EYA4: variants seen among roughly 807,000 people sequenced by gnomAD.
The protein encoded by EYA4 is EYA transcriptional coactivator and phosphatase 4.
A neutral mutation model predicts 87.9 loss-of-function variants in EYA4; 31 were observed. That is an observed-to-expected ratio of 0.35 (90% CI 0.27 to 0.48). The LOEUF (loss-of-function observed/expected upper bound fraction) is 0.48. Among genes scored for constraint, EYA4 ranks in the 20% least tolerant of loss-of-function variants. The pLI is 0.99. For missense variants in EYA4, 678 were observed against 761.4 expected, an observed-to-expected ratio of 0.89 and a Z score of 1.29; for synonymous variants, 263 against 270.6, an observed-to-expected ratio of 0.97 and a Z score of 0.28.
intron 3 of EYA4, among the ~76,000 whole-genome samples, chr6:133,409,837 A>G (rs1027351319): frequency 1.3e-5 from 2 of 152,128 alleles, no homozygotes; most frequent in African/African-American, 4.8e-5. Context: ...GATGTTAGAA[A>G]ATCTTTCACA....
chr6:133,262,861 G>A (rs754158465), intron 1 of EYA4, among the ~76,000 whole-genome samples: 5 of 152,174 alleles, frequency 3.3e-5, no homozygotes, highest in Non-Finnish European at 7.3e-5. Context: ...CTTGAAGTCA[G>A]GCAAGGTGCT....
intron 2 of EYA4, among the ~76,000 whole-genome samples, chr6:133,284,103 A>C (rs547246148): frequency 6.6e-6 from 1 of 152,244 alleles, no homozygotes; most frequent in African/African-American, 2.4e-5. Context: ...TAGAGTATGT[A>C]TTAAAACTCA....
intron 18 of EYA4, among the ~76,000 whole-genome samples, chr6:133,523,456 G>A (rs752434813): frequency 5.9e-5 from 9 of 151,336 alleles, no homozygotes; most frequent in Non-Finnish European, 1.3e-4. Flanking sequence ...TCTAGCCATA[G>A]TATTTAATAG....
intron 17 of EYA4, among the ~76,000 whole-genome samples, chr6:133,521,268 G>GA (rs762689111): frequency 0.18 from 27,329 of 149,830 alleles, 2,996 homozygotes; most frequent in South Asian, 0.31. Flanking sequence ...AAATTTACAA[G>GA]AAAAAAACAA....
rs187582872 is a variant in EYA4 at position 133,326,359 on chromosome 6, C to T, written c.33+51546C>T. 2.6e-5 allele frequency among the ~76,000 whole-genome samples: 4 copies of T among 152,226 alleles called. No homozygotes were observed. The East Asian group carries it at 7.7e-4, about 29-fold the overall frequency. On this transcript the variant is annotated intron_variant, in intron 2 of 19. Transcript: ENST00000355286. The stretch of plus-strand genomic sequence containing the variant: ...ACTCTTTGAGCATCAATATGACTGT[C>T]AAAATAAATGCTCTTTGGAGCATTT...
At chr6:133,370,157 A>G (rs1038910974) in intron 2 of EYA4, among the ~76,000 whole-genome samples, 21 of 152,198 alleles carry the variant, frequency 1.4e-4, no homozygotes, top group African/African-American at 4.6e-4. Context: ...GTAAACCTCG[A>G]CACAGTTTCA....
chr6:133,477,198 A>T (rs1250896293), intron 11 of EYA4, among the ~76,000 whole-genome samples: 2 of 152,000 alleles, frequency 1.3e-5, no homozygotes, highest in Non-Finnish European at 2.9e-5. Context: ...GCGATGTGAA[A>T]ATGGACTAAA....
intron 2 of EYA4, among the ~76,000 whole-genome samples, chr6:133,288,795 A>G (rs1176440462): frequency 1.3e-5 from 2 of 152,124 alleles, no homozygotes; most frequent in Non-Finnish European, 2.9e-5. Context: ...GTAGGATAAT[A>G]GTGTCTTCAG....
At chr6:133,341,363 A>C (rs1782761349) in intron 2 of EYA4, among the ~76,000 whole-genome samples, 1 of 152,214 alleles carries the variant, frequency 6.6e-6, no homozygotes, top group Admixed American at 6.5e-5. Flanking sequence ...CATTCCACTG[A>C]CATTTAGTGG....
At chr6:133,280,780 T>C (rs1309073252) in intron 2 of EYA4, among the ~76,000 whole-genome samples, 1 of 152,174 alleles carries the variant, frequency 6.6e-6, no homozygotes, top group Non-Finnish European at 1.5e-5. Context: ...AGGGTATTCA[T>C]AGAGTTGTAC....
In EYA4 at chr6:133,364,091, A is replaced by G. The variant is rs1361798879; in HGVS notation, c.34-18301A>G. ...ATCACCTGCTCAACTAGAAATGGACATTGTTTCTGTGCTCAGTGTTCACAA... is the reference window on the plus strand; with the variant it reads ...ATCACCTGCTCAACTAGAAATGGACGTTGTTTCTGTGCTCAGTGTTCACAA... On this transcript the variant is annotated intron_variant, in intron 2 of 19. Coordinates refer to ENST00000355286, the MANE Select transcript of EYA4 (RefSeq NM_004100.5). 3.3e-5 allele frequency among the ~76,000 whole-genome samples: 5 copies of G among 152,258 alleles called. No individual in the cohort carries two copies. The East Asian group carries it at 7.7e-4, about 24-fold the overall frequency.
chr6:133,486,519 T>C (rs769711451), intron 13 of EYA4, among the ~76,000 whole-genome samples: 13 of 152,026 alleles, frequency 8.6e-5, no homozygotes, highest in Non-Finnish European at 1.9e-4. Flanking sequence ...TGCTTCTTGC[T>C]CTCATGGAGC....
At chr6:133,492,949 G>C (rs1404324825) in intron 13 of EYA4, among the ~76,000 whole-genome samples, 1 of 152,014 alleles carries the variant, frequency 6.6e-6, no homozygotes, top group East Asian at 1.9e-4. Context: ...ATAAATTGAA[G>C]AGGACACAAA....
intron 1 of EYA4, chr6:133,248,883 G>A (rs200801006): frequency 7.4e-6 from 1 of 135,734 alleles, no homozygotes; most frequent in African/African-American, 2.8e-5. Context: ...TTTTTTTTTT[G>A]TTTGTTTGTT....
chr6:133,258,443 C>T (rs919770349), intron 1 of EYA4, among the ~76,000 whole-genome samples: 4 of 152,276 alleles, frequency 2.6e-5, no homozygotes, highest in Admixed American at 1.3e-4. Context: ...AAATTCGTTT[C>T]TTTCCATCAG....
chr6:133,430,335 CAG>C (rs1791078099), intron 3 of EYA4, among the ~76,000 whole-genome samples: 2 of 152,112 alleles, frequency 1.3e-5, no homozygotes, highest in African/African-American at 4.8e-5. Flanking sequence ...TTGGGGGAAA[CAG>C]AAAATAAACT....
intron 2 of EYA4, among the ~76,000 whole-genome samples, chr6:133,325,648 A>G (rs949574594): frequency 6.6e-6 from 1 of 152,158 alleles, no homozygotes; most frequent in South Asian, 2.1e-4. Context: ...CACTGTTTGC[A>G]TGCACTTTCA....
At chr6:133,520,907 C>T (rs1800061134) in intron 17 of EYA4, among the ~76,000 whole-genome samples, 1 of 149,028 alleles carries the variant, frequency 6.7e-6, no homozygotes, top group Admixed American at 6.8e-5. Context: ...AACTGGCTAG[C>T]CAAATGTAGA....
chr6:133,531,074 C>T lies in EYA4; in HGVS notation c.*2269C>T, dbSNP rs533609774. 4.4e-4 allele frequency: 625 copies of T among 1,406,946 alleles called. No individual in the cohort carries two copies. Among genetic ancestry groups the T allele is most frequent in the Middle Eastern group, 2.3e-3 (11 of 4,858 alleles). The allele number at this position is 1,406,946 out of a possible 1,614,324, so 87.2% of individuals were successfully genotyped here. On this transcript the variant is annotated 3_prime_UTR_variant, in exon 20 of 20. Transcript: ENST00000355286. Reference sequence around the variant, plus strand: ...AATTTGTAAGTCTTTTCATATCAAACAAGCAAGGCTTTTTATGCTGCTAAG... The same window carrying T: ...AATTTGTAAGTCTTTTCATATCAAATAAGCAAGGCTTTTTATGCTGCTAAG...
Sources: gnomAD v4.1 joint callset for allele counts (sites outside exome capture counted in the v4.1 genomes callset) on GRCh38, gnomAD v4.1.1 for gene constraint, MANE v1.5 for transcripts, NCBI Gene and HGNC (gene_info 2026-07-23, HGNC 2026-07-21) for gene names.